The following KIAA0408 variants were observed in gnomAD, a reference collection of about 807,000 sequenced individuals.
The protein encoded by KIAA0408 is KIAA0408.
A neutral mutation model predicts 60.9 loss-of-function variants in KIAA0408; 51 were observed. That is an observed-to-expected ratio of 0.84 (90% CI 0.67 to 1.06). KIAA0408 has a LOEUF of 1.06. Among genes scored for constraint, KIAA0408 ranks in the 50% least tolerant of loss-of-function variants. The probability of loss-of-function intolerance (pLI) is 0.00; values close to 1 mark genes in which losing one functional copy is unlikely to be tolerated. For missense variants in KIAA0408, 787 were observed against 833.9 expected, an observed-to-expected ratio of 0.94 and a Z score of 0.69; for synonymous variants, 304 against 282.4, an observed-to-expected ratio of 1.08 and a Z score of -0.77.
chr6:127,455,148 T>A (rs1462289222), intron 1 of KIAA0408, among the ~76,000 whole-genome samples: 2 of 152,180 alleles, frequency 1.3e-5, no homozygotes, highest in Non-Finnish European at 2.9e-5. Flanking sequence ...AAATAAGTCA[T>A]GTGCCTTTTT....
Position 127,450,084 on chromosome 6 carries a change from G to A in KIAA0408, c.404C>T (p.Pro135Leu). The A allele has an allele frequency of 1.2e-6, 2 of 1,614,098 alleles. No homozygotes were observed. Residue 135 changes from proline (P) to leucine (L), a missense_variant, in exon 3 of 6, where the codon CCT (proline) becomes CTT (leucine). Physicochemically the swap from Pro to Leu is moderately conservative, Grantham distance 98. Coordinates refer to ENST00000483725, the MANE Select transcript of KIAA0408 (RefSeq NM_014702.5). Reference protein sequence around the residue: ...TKKSKVGFLDPLATDNQKECE... With the variant: ...TKKSKVGFLDLLATDNQKECE... Reference sequence around the variant, plus strand: ...TTCCTTTTGGTTGTCTGTAGCCAAAGGATCCAAAAACCCTACTTTTGATTT... The same window carrying A: ...TTCCTTTTGGTTGTCTGTAGCCAAAAGATCCAAAAACCCTACTTTTGATTT...
rs1221631099 is a variant in KIAA0408 at position 127,442,964 on chromosome 6, G to A, written c.*1145C>T. The A allele has an allele frequency of 2.6e-5, 4 of 152,128 alleles. No individual in the cohort carries two copies. The highest frequency in any genetic ancestry group is 1.3e-4 in the Admixed American group (2 of 15,272). The allele number at this position is 152,128 out of a possible 1,614,324, so 9.4% of individuals were successfully genotyped here. ...ACACATTTCTATTCCTGATGCTACTGTGGATGTCAAGGTTTAGTTTAAGCC... is the reference window on the plus strand; with the variant it reads ...ACACATTTCTATTCCTGATGCTACTATGGATGTCAAGGTTTAGTTTAAGCC... On this transcript the variant is annotated 3_prime_UTR_variant, in exon 6 of 6. Coordinates refer to ENST00000483725, the MANE Select transcript of KIAA0408 (RefSeq NM_014702.5).
In KIAA0408 at chr6:127,444,152, T is replaced by C. The variant is rs780666155; in HGVS notation, c.2042A>G (p.His681Arg). The C allele has an allele frequency of 3.7e-6, 6 of 1,613,996 alleles. No individual in the cohort carries two copies. The highest frequency in any genetic ancestry group is 5.1e-6 in the Non-Finnish European group (6 of 1,179,974). ...GGATCGCAGAGAAATGGTATAGTTG[T>C]GGGTAGTTCTCCGCAAGGCAGGGGG... ...SAPPALRRTTHNYTISLRSEA... is the reference protein window; with the variant it reads ...SAPPALRRTTRNYTISLRSEA... Residue 681 changes from histidine (H) to arginine (R), a missense_variant, in exon 6 of 6, where the codon CAC becomes CGC. Transcript: ENST00000483725.
At chr6:127,449,708 A>C in intron 4 of KIAA0408, 114 bp downstream of exon 4, 1 of 1,391,468 alleles carries the variant, frequency 7.2e-7, no homozygotes, top group East Asian at 2.4e-5. Flanking sequence ...TAGATAGTAC[A>C]TTTTAATAAC....
chr6:127,445,741 C>G (rs1773180002), intron 5 of KIAA0408, among the ~76,000 whole-genome samples: 1 of 152,096 alleles, frequency 6.6e-6, no homozygotes, highest in African/African-American at 2.4e-5. Context: ...AGATTAAACT[C>G]TTTCATAAAT....
At chr6:127,447,841 G>A in intron 4 of KIAA0408, 101 bp from the exon 5 acceptor site, 2 of 1,384,020 alleles carry the variant, frequency 1.4e-6, no homozygotes, top group South Asian at 3.5e-5. Flanking sequence ...TATAAGAAAA[G>A]GATTCACAAC....
intron 5 of KIAA0408, among the ~76,000 whole-genome samples, chr6:127,444,899 ACTTTT>A (rs1352969068): frequency 6.6e-6 from 1 of 152,062 alleles, no homozygotes; most frequent in Non-Finnish European, 1.5e-5. Context: ...CTTTTCCTTC[ACTTTT>A]CTTCTCTTTC....
chr6:127,458,395 A>G (rs1024012023), intron 1 of KIAA0408, among the ~76,000 whole-genome samples: 2 of 152,202 alleles, frequency 1.3e-5, no homozygotes, highest in Admixed American at 6.5e-5. Flanking sequence ...TCATGCTCCA[A>G]CAAGGTCAAA....
chr6:127,443,046 C>G lies in KIAA0408; in HGVS notation c.*1063G>C, dbSNP rs986091214. ...TTTCAGCTTTCAAAGAAATATTATT[C>G]CTGATCTTCCTTGTTAGTAAAAAAG... On this transcript the variant is annotated 3_prime_UTR_variant, in exon 6 of 6. Transcript: ENST00000483725. 1.3e-5 allele frequency: 2 copies of G among 151,932 alleles called. No homozygotes were observed. Among genetic ancestry groups the G allele is most frequent in the Non-Finnish European group, 2.9e-5 (2 of 67,954 alleles). 9.4% of individuals were successfully genotyped at this position (151,932 alleles called of 1,614,324 possible).
At chr6:127,457,186 G>A (rs1347838756) in intron 1 of KIAA0408, among the ~76,000 whole-genome samples, 1 of 152,080 alleles carries the variant, frequency 6.6e-6, no homozygotes, top group Non-Finnish European at 1.5e-5. Context: ...CAAATCTTAT[G>A]TAAAACTGCT....
rs1773147532 is a variant in KIAA0408 at position 127,444,114 on chromosome 6, C to T, written c.2080G>A (p.Val694Ile). The change falls in exon 6 of 6, where the codon GTT becomes ATT. Residue 694 changes from valine to isoleucine, a missense_variant. Coordinates refer to ENST00000483725, the MANE Select transcript of KIAA0408 (RefSeq NM_014702.5). ...TAGCAATCCAGGCCAAAGACTTAAA[C>T]CATCAATGCTTCGGATCGCAGAGAA... is the stretch of plus-strand genomic sequence containing the variant. ...TISLRSEALM[V>I] is the part of the protein sequence containing the mutation. 1.9e-6 allele frequency: 3 copies of T among 1,613,868 alleles called. No homozygotes were observed. The East Asian group carries it at 6.7e-5, about 36-fold the overall frequency.
chr6:127,449,253 G>A (rs534165880), intron 4 of KIAA0408, among the ~76,000 whole-genome samples: 2 of 152,220 alleles, frequency 1.3e-5, no homozygotes, highest in South Asian at 4.1e-4. Flanking sequence ...TTTTTATGGA[G>A]GGTCTACCTT....
intron 1 of KIAA0408, among the ~76,000 whole-genome samples, chr6:127,457,943 T>G (rs1188782500): frequency 6.6e-6 from 1 of 152,238 alleles, no homozygotes; most frequent in African/African-American, 2.4e-5. Context: ...TCTCTCTTTT[T>G]AGATTATTGT....
intron 5 of KIAA0408, among the ~76,000 whole-genome samples, chr6:127,444,975 A>G (rs1773165331): frequency 6.6e-6 from 1 of 152,006 alleles, no homozygotes; most frequent in African/African-American, 2.4e-5. Flanking sequence ...TTGGTCCTTA[A>G]AATTAAAACA....
chr6:127,456,791 G>T (rs1000849952), intron 1 of KIAA0408, among the ~76,000 whole-genome samples: 1 of 151,886 alleles, frequency 6.6e-6, no homozygotes, highest in East Asian at 1.9e-4. Context: ...TGGTGGGGGG[G>T]GGGCATAGAA....
At chr6:127,451,224 T>C (rs1773297537) in intron 2 of KIAA0408, 2 of 442,196 alleles carry the variant, frequency 4.5e-6, no homozygotes, top group Admixed American at 5.0e-5. Context: ...GCAATCAATA[T>C]CTACACTACA....
rs1002942830 is a variant in KIAA0408 at position 127,439,332 on chromosome 6, G to A, written c.*4777C>T. The A allele has an allele frequency of 3.3e-5, 5 of 152,116 alleles. No homozygotes were observed. Among genetic ancestry groups the A allele is most frequent in the African/African-American group, 4.8e-5 (2 of 41,398 alleles). 9.4% of individuals were successfully genotyped at this position (152,116 alleles called of 1,614,324 possible). A position where few individuals can be genotyped will look rare whatever the true frequency, so the allele number is the denominator to read the frequency against. On this transcript the variant is annotated 3_prime_UTR_variant, in exon 6 of 6. Coordinates refer to ENST00000483725, the MANE Select transcript of KIAA0408 (RefSeq NM_014702.5). Reference sequence around the variant, plus strand: ...AGATTGAGGTCAGGATTCAGTTGACGCTAGAGATGAATACTGATTGGCTAT... The same window carrying A: ...AGATTGAGGTCAGGATTCAGTTGACACTAGAGATGAATACTGATTGGCTAT...
At position 127,440,101 on chromosome 6, in the gene KIAA0408, T is replaced by C. The variant is rs1249157032; in HGVS notation, c.*4008A>G. On this transcript the variant is annotated 3_prime_UTR_variant, in exon 6 of 6. Coordinates refer to ENST00000483725, the MANE Select transcript of KIAA0408 (RefSeq NM_014702.5). ...AATTTAACCTATTGGATTAATACTA[T>C]CATTGAAATGTGTATCAGATTTTAA... 6.6e-6 allele frequency: 1 copy of C among 152,200 alleles called. No individual in the cohort carries two copies. The highest frequency in any genetic ancestry group is 1.5e-5 in the Non-Finnish European group (1 of 68,026). The allele number at this position is 152,200 out of a possible 1,614,324, so 9.4% of individuals were successfully genotyped here. A position where few individuals can be genotyped will look rare whatever the true frequency, so the allele number is the denominator to read the frequency against.
intron 1 of KIAA0408, among the ~76,000 whole-genome samples, chr6:127,457,627 G>A (rs1773418917): frequency 6.6e-6 from 1 of 152,240 alleles, no homozygotes; most frequent in South Asian, 2.1e-4. Context: ...AGGGCTGAAA[G>A]CCAGAATTAT....
Sources: allele counts gnomAD v4.1 joint callset (sites outside exome capture counted in the v4.1 genomes callset), GRCh38; gene constraint gnomAD v4.1.1; transcripts MANE v1.5; gene names NCBI Gene and HGNC (gene_info 2026-07-23, HGNC 2026-07-21).